Variants in SORCS1 observed in about 807,000 individuals in gnomAD.
SORCS1 encodes the protein sortilin related VPS10 domain containing receptor 1.
SORCS1 carries 60 observed loss-of-function variants against 146.1 expected under a neutral mutation model. The observed-to-expected ratio is 0.41, with a 90% CI of 0.33 to 0.51. The LOEUF is 0.51. SORCS1 is among the 20% of genes least tolerant of loss of function. SORCS1 has a pLI of 0.21. For synonymous variants in SORCS1, 637 were observed against 584.0 expected, an observed-to-expected ratio of 1.09 and a Z score of -1.31; for missense variants, 1,352 against 1,487.6, an observed-to-expected ratio of 0.91 and a Z score of 1.50.
At chr10:107,074,010 T>C (rs977514146) in intron 1 of SORCS1, among the ~76,000 whole-genome samples, 1 of 152,198 alleles carries the variant, frequency 6.6e-6, no homozygotes, top group Non-Finnish European at 1.5e-5. Flanking sequence ...GAATGGTACA[T>C]TCATTACAAC....
chr10:107,085,258 C>G (rs10509827), intron 1 of SORCS1, among the ~76,000 whole-genome samples: 69,334 of 151,968 alleles, frequency 0.46, 16,251 homozygotes, highest in Middle Eastern at 0.64. Flanking sequence ...TGCCTTTTTA[C>G]AAAAGCCTGA....
intron 2 of SORCS1, among the ~76,000 whole-genome samples, chr10:106,863,032 G>GA: frequency 6.6e-6 from 1 of 152,118 alleles, no homozygotes; most frequent in East Asian, 1.9e-4. Context: ...AATACTGTAA[G>GA]AAAAAATCTG....
intron 2 of SORCS1, among the ~76,000 whole-genome samples, chr10:106,891,243 G>A (rs1036497896): frequency 9.9e-5 from 15 of 152,130 alleles, no homozygotes; most frequent in Non-Finnish European, 2.9e-5. Flanking sequence ...TTGGTCTGGA[G>A]GGGATAGGAA....
chr10:107,019,679 A>G (rs1389900583), intron 1 of SORCS1, among the ~76,000 whole-genome samples: 9 of 152,216 alleles, frequency 5.9e-5, no homozygotes, highest in Non-Finnish European at 8.8e-5. Flanking sequence ...ATCAAAAGGT[A>G]TAACTATAAT....
rs915458549 is a variant in SORCS1 at position 106,600,299 on chromosome 10, A to C, written c.3166-2849T>G. On this transcript the variant is annotated intron_variant, in intron 23 of 25. Transcript: ENST00000263054. ...TCTGTGTCACTTACAAAATTTTAAG[A>C]AGGAAATTTAAATTTAAAAATTATC... The C allele has an allele frequency of 8.3e-6, 8 of 961,298 alleles. 1 individual carries two copies. The African/African-American group carries it at 1.4e-4, about 17-fold the overall frequency. 59.5% of individuals were successfully genotyped at this position (961,298 alleles called of 1,614,324 possible).
intron 12 of SORCS1, 132 bp from the exon 13 acceptor site, chr10:106,677,536 A>G: frequency 1.4e-6 from 1 of 726,674 alleles, no homozygotes; most frequent in South Asian, 1.8e-5. Flanking sequence ...CTTTGCGAAA[A>G]TAAAGCTATA....
At chr10:106,762,806 A>G (rs553795350) in intron 4 of SORCS1, among the ~76,000 whole-genome samples, 93 of 152,284 alleles carry the variant, frequency 6.1e-4, no homozygotes, top group Admixed American at 2.8e-3. Context: ...AACTCCCCTC[A>G]TAGAGATAAC....
At chr10:107,100,265 G>A (rs561144081) in intron 1 of SORCS1, among the ~76,000 whole-genome samples, 111 of 152,304 alleles carry the variant, frequency 7.3e-4, no homozygotes, top group African/African-American at 2.6e-3. Flanking sequence ...TGTAATCCCA[G>A]CACTTTGGGA....
intron 2 of SORCS1, among the ~76,000 whole-genome samples, chr10:106,910,315 G>GTC: frequency 8.1e-6 from 1 of 122,742 alleles, no homozygotes; most frequent in Non-Finnish European, 1.6e-5. Context: ...GTGTGTGTGT[G>GTC]AGACAGTATA....
chr10:106,781,311 A>C (rs1250713691), intron 3 of SORCS1, among the ~76,000 whole-genome samples: 1 of 152,172 alleles, frequency 6.6e-6, no homozygotes, highest in Non-Finnish European at 1.5e-5. Flanking sequence ...CTTTGGTCCT[A>C]ATGGAAAAAG....
chr10:106,810,469 C>T (rs925600092), intron 3 of SORCS1, among the ~76,000 whole-genome samples: 6 of 152,234 alleles, frequency 3.9e-5, no homozygotes, highest in African/African-American at 1.2e-4. Context: ...ATGTGGGATG[C>T]CTGTGTTTCA....
At chr10:107,114,552 T>G (rs1311282537) in intron 1 of SORCS1, among the ~76,000 whole-genome samples, 1 of 152,048 alleles carries the variant, frequency 6.6e-6, no homozygotes, top group African/African-American at 2.4e-5. Context: ...CTGACAAAAT[T>G]CAACAATCAC....
At chr10:106,628,753 A>T (rs550164624) in intron 19 of SORCS1, among the ~76,000 whole-genome samples, 20 of 152,362 alleles carry the variant, frequency 1.3e-4, no homozygotes, top group Middle Eastern at 3.4e-3. Flanking sequence ...TAATAGCAAC[A>T]TATTATGAGA....
chr10:106,836,290 C>T (rs1285285077), intron 2 of SORCS1, among the ~76,000 whole-genome samples: 15 of 151,774 alleles, frequency 9.9e-5, no homozygotes, highest in Admixed American at 2.0e-4. Context: ...CTGGCTAACA[C>T]GGTGAAACCC....
chr10:106,662,916 G>A (rs1343320883), intron 17 of SORCS1, among the ~76,000 whole-genome samples: 1 of 152,172 alleles, frequency 6.6e-6, no homozygotes, highest in African/African-American at 2.4e-5. Context: ...GGAAGCCAGT[G>A]TTTTAACCCT....
At chr10:107,152,390 G>A (rs540813063) in intron 1 of SORCS1, among the ~76,000 whole-genome samples, 36 of 152,260 alleles carry the variant, frequency 2.4e-4, no homozygotes, top group African/African-American at 7.9e-4. Flanking sequence ...TATGAGAAGA[G>A]AACCACTATC....
chr10:106,784,576 A>G (rs982989580), intron 3 of SORCS1, among the ~76,000 whole-genome samples: 7 of 152,168 alleles, frequency 4.6e-5, no homozygotes, highest in African/African-American at 1.7e-4. Context: ...ACACACTTCC[A>G]TCAACATTAC....
the SORCS1 span, among the ~76,000 whole-genome samples, chr10:107,172,214 C>T: frequency 6.6e-6 from 1 of 152,200 alleles, no homozygotes; most frequent in Non-Finnish European, 1.5e-5. Flanking sequence ...GCTTTATCTT[C>T]TTAGACTTCC....
At chr10:106,819,999 C>A (rs1158738049) in intron 3 of SORCS1, among the ~76,000 whole-genome samples, 1 of 152,172 alleles carries the variant, frequency 6.6e-6, no homozygotes, top group Admixed American at 6.5e-5. Flanking sequence ...TAATCTCTGT[C>A]GTCTTCTCTC....
Sources: allele counts gnomAD v4.1 joint callset (sites outside exome capture counted in the v4.1 genomes callset), GRCh38; gene constraint gnomAD v4.1.1; transcripts MANE v1.5; gene names NCBI Gene and HGNC (gene_info 2026-07-23, HGNC 2026-07-21).